The following RPTOR variants were observed in gnomAD, a reference collection of about 807,000 sequenced individuals.
RPTOR encodes the protein regulatory-associated protein of mTOR.
In RPTOR, 21 loss-of-function variants were observed where a neutral mutation model predicts 169.9. That is an observed-to-expected ratio of 0.12 (90% CI 0.09 to 0.18). The LOEUF is 0.18. Among genes scored for constraint, RPTOR ranks in the 10% least tolerant of loss-of-function variants. The probability of loss-of-function intolerance (pLI) is 1.00; values close to 1 mark genes in which losing one functional copy is unlikely to be tolerated. For missense variants in RPTOR, 1,133 were observed against 1,855.9 expected (o/e 0.61, Z 7.16); for synonymous variants, 732 against 753.2 (o/e 0.97, Z 0.46).
At chr17:80,703,305 C>G (rs767954918) in intron 3 of RPTOR, among the ~76,000 whole-genome samples, 3 of 152,186 alleles carry the variant, frequency 2.0e-5, no homozygotes, top group Non-Finnish European at 2.9e-5. Context: ...ATCTGCAGCC[C>G]ATGACTCCGG....
chr17:80,660,328 G>A (rs964421305), intron 3 of RPTOR, among the ~76,000 whole-genome samples: 2 of 151,294 alleles, frequency 1.3e-5, no homozygotes, highest in East Asian at 1.9e-4. Flanking sequence ...GTTGATAATA[G>A]CTCTTCTTAC....
chr17:80,682,400 G>A (rs756053648), intron 3 of RPTOR, among the ~76,000 whole-genome samples: 1 of 152,172 alleles, frequency 6.6e-6, no homozygotes, highest in Non-Finnish European at 1.5e-5. Context: ...ACTGCACCCA[G>A]CCAGGTTAAG....
intron 2 of RPTOR, among the ~76,000 whole-genome samples, chr17:80,642,397 C>T (rs555342140): frequency 6.9e-4 from 105 of 151,532 alleles, no homozygotes; most frequent in Non-Finnish European, 1.4e-3. Context: ...GCTAGGATTA[C>T]GGTGGTGAGC....
intron 24 of RPTOR, among the ~76,000 whole-genome samples, chr17:80,930,412 G>T (rs1598408066): frequency 1.1e-4 from 1 of 9,230 alleles, no homozygotes. Flanking sequence ...CTCATCCCCA[G>T]CTCATCCTCA....
At chr17:80,858,986 G>A (rs1598357948) in intron 13 of RPTOR, among the ~76,000 whole-genome samples, 1 of 152,250 alleles carries the variant, frequency 6.6e-6, no homozygotes, top group Non-Finnish European at 1.5e-5. Context: ...GAAACACGGG[G>A]TGGAGAGCAT....
At chr17:80,570,381 G>A (rs1409409303) in intron 1 of RPTOR, among the ~76,000 whole-genome samples, 1 of 152,206 alleles carries the variant, frequency 6.6e-6, no homozygotes, top group Non-Finnish European at 1.5e-5. Context: ...ATGAAAGAAA[G>A]TGCCAGATAG....
chr17:80,639,514 C>T (rs544424774), intron 2 of RPTOR, among the ~76,000 whole-genome samples: 1 of 152,176 alleles, frequency 6.6e-6, no homozygotes, highest in East Asian at 1.9e-4. Flanking sequence ...CCCTTTGGGT[C>T]CCCTCCCCCA....
At chr17:80,880,576 CG>C (rs2068175764) in intron 14 of RPTOR, 87 bp downstream of exon 14, 1 of 1,281,942 alleles carries the variant, frequency 7.8e-7, no homozygotes, top group African/African-American at 1.5e-5. Context: ...GGCCTTTTGA[CG>C]GGGGCTACAG....
chr17:80,648,637 C>T (rs1299271664), intron 3 of RPTOR, among the ~76,000 whole-genome samples: 3 of 152,128 alleles, frequency 2.0e-5, no homozygotes, highest in Non-Finnish European at 4.4e-5. Context: ...GATGATTAGA[C>T]AGGCCTCTGC....
At chr17:80,918,830 T>C (rs1028747620) in intron 21 of RPTOR, among the ~76,000 whole-genome samples, 15 of 152,122 alleles carry the variant, frequency 9.9e-5, no homozygotes, top group African/African-American at 3.4e-4. Flanking sequence ...TCAGCACTCG[T>C]GTCTGTGTCC....
intron 21 of RPTOR, among the ~76,000 whole-genome samples, chr17:80,910,891 C>T (rs1011536801): frequency 2.7e-5 from 4 of 150,298 alleles, no homozygotes; most frequent in South Asian, 2.1e-4. Context: ...AGTGCAGTGG[C>T]ACAATCTCAG....
At chr17:80,958,065 T>C (rs112556272) in intron 29 of RPTOR, among the ~76,000 whole-genome samples, 14 of 151,982 alleles carry the variant, frequency 9.2e-5, no homozygotes, top group Non-Finnish European at 1.8e-4. Flanking sequence ...ATTAATTATT[T>C]GGAGGCGTTT....
At chr17:80,595,465 C>T (rs913243361) in intron 1 of RPTOR, among the ~76,000 whole-genome samples, 5 of 151,790 alleles carry the variant, frequency 3.3e-5, no homozygotes, top group African/African-American at 1.2e-4. Flanking sequence ...CAGGGTTTTT[C>T]CCCCCCCTTA....
intron 6 of RPTOR, among the ~76,000 whole-genome samples, chr17:80,759,912 T>C (rs968152502): frequency 6.6e-6 from 1 of 152,238 alleles, no homozygotes. Context: ...TTGGTCTTTT[T>C]TCTGTGCATG....
intron 1 of RPTOR, among the ~76,000 whole-genome samples, chr17:80,587,046 G>T (rs2143393565): frequency 6.6e-6 from 1 of 152,382 alleles, no homozygotes; most frequent in Middle Eastern, 3.4e-3. Flanking sequence ...TGTGTGTACA[G>T]AAGGACGCGC....
rs929343055 is a variant in RPTOR, at chr17:80,681,791, G to C, written c.349-26050G>C. Among the ~76,000 whole-genome samples, 7 of 50,926 alleles carry C rather than the reference G, an allele frequency of 1.4e-4. 1 individual carries two copies. The highest frequency in any genetic ancestry group is 2.7e-4 in the Non-Finnish European group (7 of 25,482). 33.4% of individuals were successfully genotyped at this position (50,926 alleles called of 152,430 possible). On this transcript the variant is annotated intron_variant, in intron 3 of 33. Transcript: ENST00000306801. ...GTGTACGTCTCTTACACCTTCATGAGGTGTACGTCTCTTACACCTTCTTGA... is the reference window on the plus strand; with the variant it reads ...GTGTACGTCTCTTACACCTTCATGACGTGTACGTCTCTTACACCTTCTTGA...
At chr17:80,797,928 G>A (rs377344056) in intron 7 of RPTOR, among the ~76,000 whole-genome samples, 22 of 152,182 alleles carry the variant, frequency 1.4e-4, no homozygotes, top group Non-Finnish European at 2.4e-4. Context: ...GAAAGCAGCC[G>A]TGCGGTACAG....
intron 1 of RPTOR, among the ~76,000 whole-genome samples, chr17:80,569,917 C>G (rs946312808): frequency 5.9e-5 from 9 of 152,158 alleles, no homozygotes; most frequent in Non-Finnish European, 8.8e-5. Flanking sequence ...TCACCCTGCT[C>G]CGCTTCTCCT....
chr17:80,940,683 G>A lies in RPTOR; in HGVS notation c.3025+82G>A, dbSNP rs1415113114. ...AGGGTCCCCTGTGAGCAGGCCCCCC[G>A]CGGCCCACGCACAACCTTCTCCAGC... On this transcript the variant is annotated intron_variant, in intron 25 of 33. Coordinates refer to ENST00000306801, the MANE Select transcript of RPTOR (RefSeq NM_020761.3). 21 of 1,133,880 alleles carry A rather than the reference G, an allele frequency of 1.9e-5. No homozygotes were observed. The Middle Eastern group carries it at 8.2e-4, about 45-fold the overall frequency. The allele number at this position is 1,133,880 out of a possible 1,614,324, so 70.2% of individuals were successfully genotyped here.
Sources: gnomAD v4.1 joint callset for allele counts (sites outside exome capture counted in the v4.1 genomes callset) on GRCh38, gnomAD v4.1.1 for gene constraint, MANE v1.5 for transcripts, NCBI Gene and HGNC (gene_info 2026-07-23, HGNC 2026-07-21) for gene names.